AK5: variants seen among roughly 807,000 people sequenced by gnomAD.
The protein encoded by AK5 is adenylate kinase isoenzyme 5.
A neutral mutation model predicts 69.5 loss-of-function variants in AK5; 27 were observed. That is an observed-to-expected ratio of 0.39 (90% CI 0.29 to 0.54). AK5 has a LOEUF of 0.54. AK5 is among the 20% of genes least tolerant of loss of function. The pLI is 0.71. For synonymous variants in AK5, 260 were observed against 244.4 expected, an observed-to-expected ratio of 1.06 and a Z score of -0.60; for missense variants, 531 against 700.4, an observed-to-expected ratio of 0.76 and a Z score of 2.73.
intron 6 of AK5, among the ~76,000 whole-genome samples, chr1:77,396,794 T>A (rs1001570549): frequency 1.4e-4 from 22 of 152,254 alleles, no homozygotes; most frequent in African/African-American, 3.4e-4. Context: ...CCTAATTGTA[T>A]GACCTTAAGT....
intron 8 of AK5, among the ~76,000 whole-genome samples, chr1:77,479,028 T>C (rs1047263555): frequency 1.3e-5 from 2 of 151,872 alleles, no homozygotes; most frequent in Admixed American, 1.3e-4. Flanking sequence ...AGATGAGGGA[T>C]AGAGACCAAA....
intron 5 of AK5, among the ~76,000 whole-genome samples, chr1:77,302,293 C>A (rs1295827126): frequency 6.6e-6 from 1 of 152,088 alleles, no homozygotes; most frequent in Non-Finnish European, 1.5e-5. Context: ...TGGTAGATTT[C>A]CTCTCAAAAA....
intron 5 of AK5, among the ~76,000 whole-genome samples, chr1:77,308,423 C>A (rs1210864599): frequency 7.7e-6 from 1 of 130,092 alleles, no homozygotes; most frequent in Non-Finnish European, 1.6e-5. Flanking sequence ...TGGGCGACAG[C>A]GAGACTCTGT....
At chr1:77,545,043 A>G (rs2100381523) in intron 13 of AK5, among the ~76,000 whole-genome samples, 1 of 152,298 alleles carries the variant, frequency 6.6e-6, no homozygotes, top group African/African-American at 2.4e-5. Context: ...CTTCATTATA[A>G]TCTTATGAGA....
At chr1:77,409,028 C>A (rs1182840507) in intron 6 of AK5, among the ~76,000 whole-genome samples, 17 of 152,132 alleles carry the variant, frequency 1.1e-4, no homozygotes, top group Admixed American at 1.1e-3. Context: ...GTTTTCTGTT[C>A]CTGCATTAGT....
intron 6 of AK5, among the ~76,000 whole-genome samples, chr1:77,341,405 C>T (rs998315438): frequency 3.9e-5 from 6 of 152,204 alleles, no homozygotes; most frequent in Non-Finnish European, 5.9e-5. Context: ...TGGCAGAATC[C>T]TCCTCTCAGC....
chr1:77,289,322 A>C (rs1221359123), intron 2 of AK5, among the ~76,000 whole-genome samples: 3 of 152,156 alleles, frequency 2.0e-5, no homozygotes, highest in African/African-American at 7.2e-5. Flanking sequence ...TTAGTGAATA[A>C]ATGATATTTT....
At chr1:77,411,102 C>G (rs372686768) in intron 7 of AK5, 31 bp downstream of exon 7, 5 of 1,574,328 alleles carry the variant, frequency 3.2e-6, no homozygotes, top group Non-Finnish European at 4.3e-6. Context: ...GACAACAGTA[C>G]GCCGTGATCA....
intron 3 of AK5, among the ~76,000 whole-genome samples, chr1:77,296,695 C>G (rs562882745): frequency 5.8e-4 from 88 of 152,140 alleles, no homozygotes; most frequent in Non-Finnish European, 8.8e-4. Flanking sequence ...TTATTTCAAG[C>G]CAATTCATGA....
At chr1:77,486,486 G>T in intron 10 of AK5, 134 bp downstream of exon 10, 1 of 536,632 alleles carries the variant, frequency 1.9e-6, no homozygotes, top group Non-Finnish European at 3.3e-6. Flanking sequence ...ACGAGGTCAG[G>T]AGATCGAGAC....
intron 6 of AK5, among the ~76,000 whole-genome samples, chr1:77,365,212 G>A (rs1646929925): frequency 6.6e-6 from 1 of 152,054 alleles, no homozygotes. Context: ...TAATTGGATT[G>A]TTTGTGTTTC....
At chr1:77,347,269 T>C (rs1266693421) in intron 6 of AK5, among the ~76,000 whole-genome samples, 2 of 152,230 alleles carry the variant, frequency 1.3e-5, no homozygotes, top group African/African-American at 4.8e-5. Context: ...CAAAACCTGA[T>C]GCTGATAGAA....
intron 5 of AK5, among the ~76,000 whole-genome samples, chr1:77,322,764 C>A (rs1280068733): frequency 1.3e-5 from 2 of 152,000 alleles, no homozygotes; most frequent in East Asian, 3.9e-4. Context: ...TCTCCCTAAG[C>A]AATAAAAAAG....
At chr1:77,527,575 G>T (rs1421401338) in intron 12 of AK5, among the ~76,000 whole-genome samples, 1 of 152,204 alleles carries the variant, frequency 6.6e-6, no homozygotes, top group African/African-American at 2.4e-5. Flanking sequence ...TCATTACTGA[G>T]CATACAACCG....
rs1359632257 is a variant in AK5, at chr1:77,347,512, C to T, written c.891+6944C>T. 3.9e-5 allele frequency among the ~76,000 whole-genome samples: 6 copies of T among 152,128 alleles called. No individual in the cohort carries two copies. In the East Asian group the frequency reaches 1.2e-3, roughly 29 times the overall value. On this transcript the variant is annotated intron_variant, in intron 6 of 13. Transcript: ENST00000354567. ...CCCACTTAATTTACCTATTTACATACCTATCTGTAATTTTGGTTTTAAAAT... is the reference window on the plus strand; with the variant it reads ...CCCACTTAATTTACCTATTTACATATCTATCTGTAATTTTGGTTTTAAAAT...
In AK5 at chr1:77,377,293, A is replaced by G. The variant is rs151245599; in HGVS notation, c.892-33688A>G. On this transcript the variant is annotated intron_variant, in intron 6 of 13. Transcript: ENST00000354567. ...ATTTATAGTTTCTTCCCATCCCCAA[A>G]CATGCTTCTTTCCTATGTCCCTTAC... 2.3e-3 allele frequency among the ~76,000 whole-genome samples: 344 copies of G among 152,252 alleles called. 5 individuals carry two copies. The highest frequency in any genetic ancestry group is 8.0e-3 in the African/African-American group (331 of 41,552).
chr1:77,545,457 A>T (rs1186043118), intron 13 of AK5, among the ~76,000 whole-genome samples: 1 of 152,210 alleles, frequency 6.6e-6, no homozygotes, highest in African/African-American at 2.4e-5. Context: ...CAATATAGAT[A>T]TTCTACAGTT....
At chr1:77,335,577 G>A (rs903946765) in intron 5 of AK5, among the ~76,000 whole-genome samples, 4 of 152,082 alleles carry the variant, frequency 2.6e-5, no homozygotes, top group Admixed American at 2.6e-4. Context: ...AATGATGTCT[G>A]CTACTAAAGT....
chr1:77,294,171 T>G (rs17695152), intron 3 of AK5, among the ~76,000 whole-genome samples: 2,374 of 152,340 alleles, frequency 0.016, 28 homozygotes, highest in Middle Eastern at 0.044. Flanking sequence ...CCTATTGCAT[T>G]TTCATAGATT....
Sources: allele counts gnomAD v4.1 joint callset (sites outside exome capture counted in the v4.1 genomes callset), GRCh38; gene constraint gnomAD v4.1.1; transcripts MANE v1.5; gene names NCBI Gene and HGNC (gene_info 2026-07-23, HGNC 2026-07-21).